The following VPS13B variants were observed in gnomAD, a reference collection of about 807,000 sequenced individuals.
VPS13B encodes vacuolar protein sorting 13 homolog B.
In VPS13B, 285 loss-of-function variants were observed where a neutral mutation model predicts 426.4. That is an observed-to-expected ratio of 0.67 (90% CI 0.61 to 0.74). VPS13B has a LOEUF of 0.74. Ranked by LOEUF, VPS13B falls within the 30% of genes least tolerant of loss-of-function variation. The pLI, the probability that VPS13B is intolerant of heterozygous loss-of-function variation, is 0.00. For synonymous variants in VPS13B, 1,676 were observed against 1,676.4 expected, an observed-to-expected ratio of 1.00 and a Z score of 0.01; for missense variants, 4,537 against 4,782.6, an observed-to-expected ratio of 0.95 and a Z score of 1.51.
intron 22 of VPS13B, among the ~76,000 whole-genome samples, chr8:99,438,034 C>CTTTTTTTTTTTTTTTTTTTT (rs746500253): frequency 1.7e-5 from 2 of 120,588 alleles, no homozygotes; most frequent in African/African-American, 3.1e-5. Flanking sequence ...TTCTTTTCCT[C>CTTTTTTTTTTTTTTTTTTTT]TTTTTTTTTT....
intron 19 of VPS13B, among the ~76,000 whole-genome samples, chr8:99,315,225 A>G (rs745819329): frequency 3.5e-4 from 53 of 152,010 alleles, no homozygotes; most frequent in Non-Finnish European, 6.2e-4. Context: ...AAATAGCTTT[A>G]TTCCTTTTGC....
At position 99,171,759 on chromosome 8, in the gene VPS13B, A is replaced by C. The variant is rs193242930; in HGVS notation, c.2333+1596A>C. ...TGCTTTATAGAAGTATATTGATTTGAAATATTTCTTGAAATTTTCTTAATA... is the reference window on the plus strand; with the variant it reads ...TGCTTTATAGAAGTATATTGATTTGCAATATTTCTTGAAATTTTCTTAATA... On this transcript the variant is annotated intron_variant, in intron 16 of 61. Coordinates refer to ENST00000357162, the MANE Select transcript of VPS13B (RefSeq NM_152564.5). Among the ~76,000 whole-genome samples, 47 of 152,216 alleles carry C rather than the reference A, an allele frequency of 3.1e-4. No homozygotes were observed. The East Asian group carries it at 9.1e-3, about 29-fold the overall frequency.
chr8:99,338,547 T>G (rs2133177638), intron 19 of VPS13B, among the ~76,000 whole-genome samples: 1 of 152,284 alleles, frequency 6.6e-6, no homozygotes, highest in East Asian at 1.9e-4. Flanking sequence ...CGGTATGTGA[T>G]TCACATGTTA....
intron 3 of VPS13B, among the ~76,000 whole-genome samples, chr8:99,081,888 T>C (rs891812368): frequency 6.6e-6 from 1 of 152,092 alleles, no homozygotes; most frequent in Non-Finnish European, 1.5e-5. Context: ...TGGTTCCAAG[T>C]CTTTGCTGTT....
chr8:99,044,084 C>CTTTTTTTTTTTTTTTTTTTTTTTTT (rs5893476), intron 3 of VPS13B, among the ~76,000 whole-genome samples: 8 of 98,932 alleles, frequency 8.1e-5, no homozygotes, highest in Non-Finnish European at 7.4e-5. Flanking sequence ...TTCTTTCTTT[C>CTTTTTTTTTTTTTTTTTTTTTTTTT]TTTTTTTTTT....
In VPS13B at chr8:99,203,490, A is replaced by G. The variant is rs1019971103; in HGVS notation, c.2515+10433A>G. ...CCCTCTCTTAGCACTCCTATTCAACATAGTATTGGAAGTTCTGGCCAGGAT... is the reference window on the plus strand; with the variant it reads ...CCCTCTCTTAGCACTCCTATTCAACGTAGTATTGGAAGTTCTGGCCAGGAT... On this transcript the variant is annotated intron_variant, in intron 17 of 61. Transcript: ENST00000357162. Among the ~76,000 whole-genome samples, 10 of 152,294 alleles carry G rather than the reference A, an allele frequency of 6.6e-5. No homozygotes were observed. In the East Asian group the frequency reaches 1.5e-3, roughly 24 times the overall value.
chr8:99,360,427 A>G (rs1812498149), intron 19 of VPS13B, among the ~76,000 whole-genome samples: 1 of 150,624 alleles, frequency 6.6e-6, no homozygotes, highest in South Asian at 2.1e-4. Flanking sequence ...ACAGGTGCCC[A>G]CCACCTGCCC....
At position 99,080,228 on chromosome 8, in the gene VPS13B, A is replaced by G. The variant is rs1040549690; in HGVS notation, c.292-16084A>G. 2.0e-5 allele frequency among the ~76,000 whole-genome samples: 3 copies of G among 151,954 alleles called. No individual in the cohort carries two copies. In the East Asian group the frequency reaches 5.8e-4, roughly 29 times the overall value. On this transcript the variant is annotated intron_variant, in intron 3 of 61. Transcript: ENST00000357162. ...TTCTTTAGTGTGTCTTTTGTGTAGA[A>G]TAGCTTATTTTTGTCTTAATGAAGT... is the stretch of plus-strand genomic sequence containing the variant.
At chr8:99,343,147 G>C (rs909239027) in intron 19 of VPS13B, among the ~76,000 whole-genome samples, 2 of 150,870 alleles carry the variant, frequency 1.3e-5, no homozygotes, top group East Asian at 3.9e-4. Flanking sequence ...AGGCTGGAGT[G>C]CAGTGGCACA....
At chr8:99,744,977 A>G (rs1311005754) in intron 39 of VPS13B, among the ~76,000 whole-genome samples, 2 of 152,190 alleles carry the variant, frequency 1.3e-5, no homozygotes, top group African/African-American at 4.8e-5. Flanking sequence ...TAATAAAAAA[A>G]AAAGAACCTA....
At chr8:99,335,987 C>G (rs1236175356) in intron 19 of VPS13B, among the ~76,000 whole-genome samples, 1 of 152,168 alleles carries the variant, frequency 6.6e-6, no homozygotes, top group East Asian at 1.9e-4. Context: ...CTACCAATGA[C>G]TTTCTTCACA....
At chr8:99,504,540 C>T (rs1488206079) in intron 27 of VPS13B, among the ~76,000 whole-genome samples, 1 of 152,024 alleles carries the variant, frequency 6.6e-6, no homozygotes, top group Non-Finnish European at 1.5e-5. Flanking sequence ...CTTCAGTGAC[C>T]AGGTGCATTG....
intron 29 of VPS13B, among the ~76,000 whole-genome samples, chr8:99,515,095 A>G (rs1023922675): frequency 6.6e-6 from 1 of 152,216 alleles, no homozygotes; most frequent in South Asian, 2.1e-4. Context: ...TATTGAAACA[A>G]GTTATGTTTC....
chr8:99,835,929 T>C (rs1287512824), intron 54 of VPS13B, among the ~76,000 whole-genome samples, 191 bp downstream of exon 54: 1 of 152,210 alleles, frequency 6.6e-6, no homozygotes, highest in Non-Finnish European at 1.5e-5. Context: ...ATCTGCAAAG[T>C]AGACTACACA....
chr8:99,439,165 G>A (rs199879968), intron 22 of VPS13B, among the ~76,000 whole-genome samples: 3 of 152,044 alleles, frequency 2.0e-5, no homozygotes, highest in South Asian at 2.1e-4. Flanking sequence ...GATGAACAAC[G>A]TGCATGAAGC....
At chr8:99,354,856 CAG>C (rs1812097172) in intron 19 of VPS13B, among the ~76,000 whole-genome samples, 1 of 152,112 alleles carries the variant, frequency 6.6e-6, no homozygotes, top group East Asian at 1.9e-4. Flanking sequence ...AAGGCCCCAG[CAG>C]TCTTTGGAGA....
chr8:99,658,077 G>A (rs1328447569), intron 34 of VPS13B, among the ~76,000 whole-genome samples: 1 of 152,126 alleles, frequency 6.6e-6, no homozygotes, highest in African/African-American at 2.4e-5. Context: ...TCATAAAGCA[G>A]TGCTCTCCAG....
At chr8:99,810,302 G>A (rs1013475293) in intron 44 of VPS13B, among the ~76,000 whole-genome samples, 3 of 152,206 alleles carry the variant, frequency 2.0e-5, no homozygotes, top group Non-Finnish European at 1.5e-5. Flanking sequence ...TGGATTTGTC[G>A]TTAGAGTTTC....
chr8:99,835,209 G>A lies in VPS13B; in HGVS notation c.9627G>A (p.Leu3209=). 6.2e-7 allele frequency: 1 copy of A among 1,613,860 alleles called. No individual in the cohort carries two copies. Among genetic ancestry groups the A allele is most frequent in the Non-Finnish European group, 8.5e-7 (1 of 1,179,938 alleles). The change falls in exon 53 of 62, where the codon CTG becomes CTA. Residue 3209 remains leucine, a synonymous_variant. Transcript: ENST00000357162. The stretch of plus-strand genomic sequence containing the variant: ...GATTCTCTTCCAGGGCTATAGTGCT[G>A]ACATATCAAGAACACCTCGGAGTGA... ...ENGFCTRAIV[L]TYQEHLGVTY...
Sources: gnomAD v4.1 joint callset for allele counts (sites outside exome capture counted in the v4.1 genomes callset) on GRCh38, gnomAD v4.1.1 for gene constraint, MANE v1.5 for transcripts, NCBI Gene and HGNC (gene_info 2026-07-23, HGNC 2026-07-21) for gene names.